Variants in UNC5B observed in about 807,000 individuals in gnomAD.
UNC5B encodes unc-5 netrin receptor B.
Under a neutral mutation model 103.7 loss-of-function variants are expected in UNC5B, and 56 were observed. That is an observed-to-expected ratio of 0.54 (90% CI 0.44 to 0.67). The LOEUF (loss-of-function observed/expected upper bound fraction) is 0.67, where lower values mean the gene tolerates loss of function less well. Among genes scored for constraint, UNC5B ranks in the 30% least tolerant of loss-of-function variants. The pLI is 0.00. For missense variants in UNC5B, 1,194 were observed against 1,284.5 expected (o/e 0.93, Z 1.08); for synonymous variants, 577 against 542.0 (o/e 1.06, Z -0.90).
rs1355594453 is a variant in UNC5B, at chr10:71,213,369, C to T, written c.79+305C>T. On this transcript the variant is annotated intron_variant, in intron 1 of 16. Transcript: ENST00000335350. This position sits in a 1 kb window ranked among gnomAD's most constrained non-coding sequence, Gnocchi z 4.1. ...TCTGAGTCTCCGGGAGGATCCGCCT[C>T]CTGGGGACGCCCGGCTCTCCGCGCG... 1.3e-5 allele frequency among the ~76,000 whole-genome samples: 2 copies of T among 152,150 alleles called. No homozygotes were observed. Among genetic ancestry groups the T allele is most frequent in the Non-Finnish European group, 2.9e-5 (2 of 68,016 alleles).
intron 1 of UNC5B, among the ~76,000 whole-genome samples, chr10:71,247,453 G>C (rs1216990690): frequency 6.6e-6 from 1 of 152,236 alleles, no homozygotes; most frequent in Non-Finnish European, 1.5e-5. Context: ...GGAGAGGAGA[G>C]GTGATTCAGC....
At chr10:71,279,476 G>A (rs546306516) in intron 1 of UNC5B, among the ~76,000 whole-genome samples, 10 of 152,318 alleles carry the variant, frequency 6.6e-5, no homozygotes, top group Admixed American at 1.3e-4. Flanking sequence ...TGGAGCAGAC[G>A]TTGTGGGGGG....
At chr10:71,253,558 G>T (rs1406670149) in intron 1 of UNC5B, among the ~76,000 whole-genome samples, 2 of 152,336 alleles carry the variant, frequency 1.3e-5, no homozygotes, top group South Asian at 2.1e-4. Flanking sequence ...TGGGGGTGGG[G>T]TGTATGTCTG....
intron 15 of UNC5B, among the ~76,000 whole-genome samples, chr10:71,296,982 TCTG>T (rs1564516454): frequency 9.3e-4 from 110 of 118,046 alleles, no homozygotes; most frequent in Admixed American, 9.8e-4. Flanking sequence ...TGCACACCAC[TCTG>T]GTGGAGGTGA....
intron 16 of UNC5B, 141 bp from the exon 17 acceptor site, chr10:71,298,971 C>CT: frequency 4.6e-6 from 5 of 1,085,828 alleles, no homozygotes; most frequent in Non-Finnish European, 6.7e-6. Context: ...CAGACTGCAG[C>CT]ACAGTAGCTG....
At chr10:71,283,815 G>A (rs765471294) in intron 2 of UNC5B, among the ~76,000 whole-genome samples, 15 of 152,230 alleles carry the variant, frequency 9.9e-5, no homozygotes, top group East Asian at 7.7e-4. Context: ...GGCCCTGACC[G>A]GGGAGCCATT....
chr10:71,254,250 T>G (rs1462514721), intron 1 of UNC5B, among the ~76,000 whole-genome samples: 1 of 152,230 alleles, frequency 6.6e-6, no homozygotes, highest in Non-Finnish European at 1.5e-5. Context: ...GGCGGGAGTC[T>G]TCTCCCGTCA....
At chr10:71,280,591 G>A (rs1200830378) in intron 2 of UNC5B, among the ~76,000 whole-genome samples, 2 of 152,246 alleles carry the variant, frequency 1.3e-5, no homozygotes, top group African/African-American at 2.4e-5. Flanking sequence ...GAGGGAAAGA[G>A]GAGAGCAGCT....
intron 2 of UNC5B, among the ~76,000 whole-genome samples, chr10:71,282,494 G>A (rs1411792019): frequency 6.6e-6 from 1 of 152,148 alleles, no homozygotes; most frequent in Non-Finnish European, 1.5e-5. Context: ...CCAGCTATTG[G>A]TGCTGCTGAA....
chr10:71,246,643 G>A (rs987797106), intron 1 of UNC5B, among the ~76,000 whole-genome samples: 1 of 152,172 alleles, frequency 6.6e-6, no homozygotes, highest in Non-Finnish European at 1.5e-5. Flanking sequence ...TGGATAAGTA[G>A]ATGGAAGGAA....
At chr10:71,292,317 C>T (rs751657916) in intron 10 of UNC5B, 150 bp from the exon 11 acceptor site, 4 of 655,586 alleles carry the variant, frequency 6.1e-6, no homozygotes, top group Non-Finnish European at 1.0e-5. Flanking sequence ...TGCTTGCATC[C>T]AGTCCCCAGA....
chr10:71,229,095 T>C (rs779252710), intron 1 of UNC5B, among the ~76,000 whole-genome samples: 10 of 152,212 alleles, frequency 6.6e-5, no homozygotes, highest in Non-Finnish European at 1.2e-4. Context: ...GGAGCTGCTT[T>C]ATAAAATGCA....
At chr10:71,253,148 C>T (rs1844213599) in intron 1 of UNC5B, among the ~76,000 whole-genome samples, 1 of 152,020 alleles carries the variant, frequency 6.6e-6, no homozygotes, top group African/African-American at 2.4e-5. Flanking sequence ...TGGGTCTGCA[C>T]CCTCTGCTTC....
chr10:71,236,928 G>T (rs1273122612), intron 1 of UNC5B, among the ~76,000 whole-genome samples: 1 of 152,240 alleles, frequency 6.6e-6, no homozygotes, highest in Non-Finnish European at 1.5e-5. Context: ...GAAGATGCAT[G>T]CCCCTGAAGA....
intron 1 of UNC5B, among the ~76,000 whole-genome samples, chr10:71,224,433 A>C (rs1252858770): frequency 6.6e-6 from 1 of 151,602 alleles, no homozygotes; most frequent in African/African-American, 2.4e-5. Context: ...ACAGCAGAAA[A>C]AGCCCCAAGT....
At chr10:71,242,375 G>GCC (rs1216552661) in intron 1 of UNC5B, among the ~76,000 whole-genome samples, 1 of 152,260 alleles carries the variant, frequency 6.6e-6, no homozygotes, top group Non-Finnish European at 1.5e-5. Context: ...CCCCGAGCTA[G>GCC]TTCAGCAGAG....
chr10:71,288,988 A>C lies in UNC5B; in HGVS notation c.1097A>C (p.His366Pro). 1.2e-6 allele frequency: 2 copies of C among 1,614,128 alleles called. No individual in the cohort carries two copies. The highest frequency in any genetic ancestry group is 1.7e-6 in the Non-Finnish European group (2 of 1,180,010). Residue 366 changes from histidine to proline, a missense_variant and splice_region_variant, in exon 8 of 17, where the codon CAC (histidine) becomes CCC (proline). Physicochemically the swap from His to Pro is moderately conservative, Grantham distance 77. Coordinates refer to ENST00000335350, the MANE Select transcript of UNC5B (RefSeq NM_170744.5). ...AAAACTCTAAGCGACCCCAACAGCC[A>C]CCGTAAGTCCCATTTCATGGCTGTC... ...NKKTLSDPNS[H>P]LLEASGDAAL...
intron 1 of UNC5B, among the ~76,000 whole-genome samples, chr10:71,275,432 TTGCTTCC>T (rs1844746463): frequency 2.0e-5 from 3 of 152,230 alleles, no homozygotes; most frequent in South Asian, 4.1e-4. Context: ...GGCTCAAGCC[TTGCTTCC>T]TGCCATCGAC....
chr10:71,226,983 C>CT (rs34048995), intron 1 of UNC5B, among the ~76,000 whole-genome samples: 25,343 of 142,600 alleles, frequency 0.18, 2,819 homozygotes, highest in African/African-American at 0.32. Context: ...GACCATTCTT[C>CT]TTTTTTTTTT....
Sources: allele counts gnomAD v4.1 joint callset (sites outside exome capture counted in the v4.1 genomes callset), GRCh38; gene constraint gnomAD v4.1.1; non-coding constraint Gnocchi (gnomAD v3.1); transcripts MANE v1.5; gene names NCBI Gene and HGNC (gene_info 2026-07-23, HGNC 2026-07-21).